PMP22: variants seen among roughly 807,000 people sequenced by gnomAD.
The protein encoded by PMP22 is Charcot-Marie-Tooth neuropathy 1A (greatly reduced nerve conduction velocity, hereditary motor sensory neuropathy Ia).
PMP22 carries 2 observed loss-of-function variants against 18.9 expected under a neutral mutation model. That is an observed-to-expected ratio of 0.11 (90% CI 0.04 to 0.33). The LOEUF (loss-of-function observed/expected upper bound fraction) is 0.33. PMP22 is among the 10% of genes least tolerant of loss of function. The pLI is 1.00. For synonymous variants in PMP22, 95 were observed against 89.2 expected (o/e 1.07, Z -0.37); for missense variants, 169 against 202.2 (o/e 0.84, Z 1.00).
intron 3 of PMP22, among the ~76,000 whole-genome samples, chr17:15,243,625 C>CAATT (rs1907537044): frequency 6.7e-6 from 1 of 149,552 alleles, no homozygotes. Context: ...ATTAAATATA[C>CAATT]AATTAATTGT....
intron 3 of PMP22, among the ~76,000 whole-genome samples, chr17:15,257,542 C>T (rs9909581): frequency 0.044 from 6,695 of 152,256 alleles, 464 homozygotes; most frequent in African/African-American, 0.15. Context: ...GTAGCGAGTA[C>T]GGAGACTCCC....
intron 3 of PMP22, among the ~76,000 whole-genome samples, chr17:15,242,088 C>T (rs149750416): frequency 5.3e-5 from 8 of 151,688 alleles, no homozygotes; most frequent in South Asian, 4.2e-4. Context: ...CCCATCTCTA[C>T]GAAAAATACA....
chr17:15,259,525 T>G (rs1909127081), intron 2 of PMP22, among the ~76,000 whole-genome samples: 1 of 152,160 alleles, frequency 6.6e-6, no homozygotes, highest in Non-Finnish European at 1.5e-5. Context: ...ATTTCCTTGT[T>G]TATAGCTCCT....
rs376572716 is a variant in PMP22, at chr17:15,245,881, C to T, written c.179-6270G>A. Among the ~76,000 whole-genome samples the T allele has an allele frequency of 8.4e-4, 127 of 151,896 alleles. 2 individuals carry two copies. Among genetic ancestry groups the T allele is most frequent in the African/African-American group, 2.9e-3 (120 of 41,450 alleles). ...AAAAAAAATTAGCCGGGCGTGGTGG[C>T]GGGCGCCTGTAGTCCCAGCTACTCT... On this transcript the variant is annotated intron_variant, in intron 3 of 4. Transcript: ENST00000312280.
intron 4 of PMP22, 141 bp downstream of exon 4, chr17:15,239,330 C>T: frequency 1.0e-6 from 1 of 967,552 alleles, no homozygotes; most frequent in Non-Finnish European, 1.7e-6. Context: ...TACAAGCACC[C>T]ACCCTCACTT....
intron 4 of PMP22, among the ~76,000 whole-genome samples, chr17:15,233,653 C>T (rs372412509): frequency 2.6e-5 from 4 of 152,302 alleles, no homozygotes; most frequent in East Asian, 3.9e-4. Context: ...CTATTGCATG[C>T]GGGCCCTGTT....
intron 3 of PMP22, among the ~76,000 whole-genome samples, chr17:15,254,985 A>G (rs1908702811): frequency 6.6e-6 from 1 of 152,164 alleles, no homozygotes; most frequent in South Asian, 2.1e-4. Flanking sequence ...ACTTACTTAT[A>G]CCTGGAGAGG....
chr17:15,260,414 TTAAA>T (rs758304363), intron 2 of PMP22: 2 of 592,146 alleles, frequency 3.4e-6, no homozygotes, highest in Non-Finnish European at 6.1e-6. Context: ...GTTACTTGGC[TTAAA>T]TAGAGACCTG....
chr17:15,234,544 GC>G (rs1906626150), intron 4 of PMP22, among the ~76,000 whole-genome samples: 1 of 152,090 alleles, frequency 6.6e-6, no homozygotes, highest in African/African-American at 2.4e-5. Flanking sequence ...GCAGGAAGGG[GC>G]TGTGAGGCCT....
At chr17:15,238,104 T>C (rs907059779) in intron 4 of PMP22, among the ~76,000 whole-genome samples, 2 of 152,172 alleles carry the variant, frequency 1.3e-5, no homozygotes, top group African/African-American at 4.8e-5. Context: ...TGATATCTCC[T>C]TGCATAATTA....
rs117195094 is a variant in PMP22 at position 15,249,546 on chromosome 17, G to T, written c.178+9548C>A. Among the ~76,000 whole-genome samples the T allele has an allele frequency of 6.6e-4, 101 of 152,268 alleles. 1 individual carries two copies. In the East Asian group the frequency reaches 0.016, roughly 24 times the overall value. ...TTAGAATCCACAAAAACTAGAGAGGGTGGAAGGAGAATGGTGTGGCAAAGA... is the reference window on the plus strand; with the variant it reads ...TTAGAATCCACAAAAACTAGAGAGGTTGGAAGGAGAATGGTGTGGCAAAGA... On this transcript the variant is annotated intron_variant, in intron 3 of 4. Transcript: ENST00000312280.
intron 4 of PMP22, among the ~76,000 whole-genome samples, chr17:15,238,805 C>T (rs779896639): frequency 6.6e-6 from 1 of 152,194 alleles, no homozygotes; most frequent in South Asian, 2.1e-4. Flanking sequence ...AAAGAGGGAA[C>T]TTGAAGACAG....
At chr17:15,252,441 T>G (rs1908442690) in intron 3 of PMP22, among the ~76,000 whole-genome samples, 1 of 151,880 alleles carries the variant, frequency 6.6e-6, no homozygotes, top group African/African-American at 2.4e-5. Context: ...GCTGTTTAAA[T>G]GGAAAAGAAG....
chr17:15,243,383 A>C (rs557820310), intron 3 of PMP22, among the ~76,000 whole-genome samples: 8 of 151,994 alleles, frequency 5.3e-5, no homozygotes, highest in Non-Finnish European at 1.0e-4. Flanking sequence ...ATGCTGTCCT[A>C]ATCCATATTG....
At chr17:15,234,099 G>A (rs961995473) in intron 4 of PMP22, among the ~76,000 whole-genome samples, 5 of 152,144 alleles carry the variant, frequency 3.3e-5, no homozygotes, top group African/African-American at 1.2e-4. Flanking sequence ...CTGCACTGGG[G>A]TTAGTGAGTC....
intron 3 of PMP22, among the ~76,000 whole-genome samples, chr17:15,257,646 C>T (rs1007829773): frequency 2.0e-5 from 3 of 152,240 alleles, no homozygotes; most frequent in Non-Finnish European, 2.9e-5. Context: ...GTCACATTCT[C>T]AGGCACTCAT....
chr17:15,253,978 G>A (rs769070117), intron 3 of PMP22, among the ~76,000 whole-genome samples: 79 of 152,204 alleles, frequency 5.2e-4, no homozygotes, highest in Non-Finnish European at 7.9e-4. Context: ...CACGAGAGTT[G>A]TTCAAGAAAT....
chr17:15,259,251 G>T, intron 2 of PMP22, 58 bp from the exon 3 acceptor site: 1 of 1,401,300 alleles, frequency 7.1e-7, no homozygotes, highest in Admixed American at 1.7e-5. Flanking sequence ...TGAAGGAAAA[G>T]GGGAAGGAGA....
intron 2 of PMP22, 113 bp from the exon 3 acceptor site, chr17:15,259,306 C>A: frequency 1.2e-6 from 1 of 805,358 alleles, no homozygotes; most frequent in Non-Finnish European, 2.1e-6. Context: ...CCTAGCCACA[C>A]CGCCCACCCC....
Sources: gnomAD v4.1 joint callset for allele counts (sites outside exome capture counted in the v4.1 genomes callset) on GRCh38, gnomAD v4.1.1 for gene constraint, MANE v1.5 for transcripts, NCBI Gene and HGNC (gene_info 2026-07-23, HGNC 2026-07-21) for gene names.